The following LRR1 variants were observed in gnomAD, a reference collection of about 807,000 sequenced individuals.
LRR1 encodes the protein leucine rich repeat protein 1.
Under a neutral mutation model 31.6 loss-of-function variants are expected in LRR1, and 29 were observed. The observed-to-expected ratio is 0.92, with a 90% confidence interval of 0.68 to 1.25. The LOEUF is 1.25. Among genes scored for constraint, LRR1 ranks in the 50% most tolerant of loss-of-function variants. The pLI is 0.00. For missense variants in LRR1, 485 were observed against 487.2 expected, an observed-to-expected ratio of 1.00 and a Z score of 0.04; for synonymous variants, 179 against 181.4, an observed-to-expected ratio of 0.99 and a Z score of 0.10.
chr14:49,613,381 T>A (rs1224644619), intron 3 of LRR1, among the ~76,000 whole-genome samples: 2 of 151,080 alleles, frequency 1.3e-5, no homozygotes, highest in Non-Finnish European at 2.9e-5. Context: ...GGCGTGTGCC[T>A]GTAATCCCAG....
At position 49,607,404 on chromosome 14, in the gene LRR1, T is replaced by A. The variant is rs17121605; in HGVS notation, c.287T>A (p.Ile96Asn). The A allele has an allele frequency of 0.22, 336,502 of 1,555,674 alleles. 39,283 individuals are homozygous for A. The highest frequency in any genetic ancestry group is 0.32 in the Admixed American group (15,491 of 47,706). The change falls in exon 3 of 4, where the codon ATT becomes AAT. Residue 96 changes from isoleucine to asparagine, a missense_variant. This residue lies in a region of LRR1 where 260 missense variants were observed against 249.6 expected (regional missense o/e 1.04). Transcript: ENST00000298288. ...CTACAACTTTTATTTATTCAGGCCATTTCCAGCAGTTTAAAAGGTTTCCTT... is the reference window on the plus strand; with the variant it reads ...CTACAACTTTTATTTATTCAGGCCAATTCCAGCAGTTTAAAAGGTTTCCTT... ...PPVDICLSKAISSSLKGFLSA... is the reference protein window; with the variant it reads ...PPVDICLSKANSSSLKGFLSA...
chr14:49,608,975 G>A (rs2883439), intron 3 of LRR1, among the ~76,000 whole-genome samples: 2 of 138,622 alleles, frequency 1.4e-5, no homozygotes, highest in East Asian at 4.5e-4. Context: ...GTGGTGCGAA[G>A]CGATCTCGGC....
At chr14:49,608,168 A>C in intron 3 of LRR1, 47 bp downstream of exon 3, 1 of 1,486,940 alleles carries the variant, frequency 6.7e-7, no homozygotes, top group South Asian at 1.4e-5. Flanking sequence ...ATAGCATTCT[A>C]ATATTCCTAT....
At position 49,614,578 on chromosome 14, in the gene LRR1, G is replaced by C. The variant is rs768594770; in HGVS notation, c.*82G>C. The C allele has an allele frequency of 8.3e-6, 13 of 1,566,210 alleles. No homozygotes were observed. Among genetic ancestry groups the C allele is most frequent in the Admixed American group, 1.7e-5 (1 of 59,892 alleles). On this transcript the variant is annotated 3_prime_UTR_variant, in exon 4 of 4. Coordinates refer to ENST00000298288, the MANE Select transcript of LRR1 (RefSeq NM_152329.4). ...ATTTTGCAGCGTCAAATTGGAGTAA[G>C]GGAAGATTTCTGTATACTTGCTGGA...
chr14:49,602,828 TTTTG>T (rs749038139), intron 2 of LRR1, among the ~76,000 whole-genome samples: 15 of 151,940 alleles, frequency 9.9e-5, no homozygotes, highest in East Asian at 1.9e-4. Context: ...TGCTTGCTTT[TTTTG>T]TTTGTTTGTT....
intron 3 of LRR1, among the ~76,000 whole-genome samples, chr14:49,610,714 G>C (rs1882480180): frequency 6.6e-6 from 1 of 151,546 alleles, no homozygotes; most frequent in African/African-American, 2.4e-5. Context: ...AGGTGCCCAT[G>C]ACCATGGCCG....
chr14:49,614,508 A>G lies in LRR1; in HGVS notation c.*12A>G. 1.2e-6 allele frequency: 2 copies of G among 1,613,016 alleles called. No individual in the cohort carries two copies. Among genetic ancestry groups the G allele is most frequent in the Non-Finnish European group, 1.7e-6 (2 of 1,179,610 alleles). On this transcript the variant is annotated 3_prime_UTR_variant, in exon 4 of 4. Coordinates refer to ENST00000298288, the MANE Select transcript of LRR1 (RefSeq NM_152329.4). ...ATATGTTAAAGTAATGGGTGAGACC[A>G]GAAAAAGAAATTTCAATAACAGATC...
At chr14:49,599,848 A>G in intron 1 of LRR1, 1 of 329,380 alleles carries the variant, frequency 3.0e-6, no homozygotes, top group Non-Finnish European at 4.9e-6. Context: ...CGGCGAGGGG[A>G]GTCGCTGCTT....
In LRR1 at chr14:49,602,372, A is replaced by G. The variant is rs577046402; in HGVS notation, c.186A>G (p.Leu62=). ...LKDKRGTRYE[L]RENIEQFFTK... ...TTTTTTCTATTGGTTTTATGCAGCT[A>G]AGGGAGAACATTGAGCAATTCTTCA... Residue 62 remains leucine, a splice_region_variant and synonymous_variant, in exon 2 of 4, where the codon CTA becomes CTG. Coordinates refer to ENST00000298288, the MANE Select transcript of LRR1 (RefSeq NM_152329.4). 2.5e-6 allele frequency: 4 copies of G among 1,612,412 alleles called. No homozygotes were observed. The South Asian group carries it at 3.3e-5, about 13-fold the overall frequency.
At chr14:49,612,258 T>TG (rs1882540263) in intron 3 of LRR1, among the ~76,000 whole-genome samples, 2 of 152,318 alleles carry the variant, frequency 1.3e-5, no homozygotes, top group African/African-American at 4.8e-5. Context: ...GAACCTTTGT[T>TG]GAAGTATAAT....
intron 3 of LRR1, among the ~76,000 whole-genome samples, chr14:49,613,286 C>T (rs1417503184): frequency 6.6e-6 from 1 of 150,952 alleles, no homozygotes; most frequent in East Asian, 2.0e-4. Context: ...TTGCAGTGAG[C>T]CGAGATTGTG....
In LRR1 at chr14:49,607,632, G is replaced by C. The variant is rs61754304; in HGVS notation, c.515G>C (p.Arg172Pro). Residue 172 changes from arginine to proline, a missense_variant, in exon 3 of 4, where the codon CGT (arginine) becomes CCT (proline). This residue lies in a region of LRR1 where 260 missense variants were observed against 249.6 expected (regional missense o/e 1.04). Transcript: ENST00000298288. The stretch of plus-strand genomic sequence containing the variant: ...TGTGGGCTTGTCCGAGTTGATATGC[G>C]TATGCTTTGCTTAAAAAGCCTTAGG... ...SYCGLVRVDM[R>P]MLCLKSLRKL... 1.2e-6 allele frequency: 2 copies of C among 1,614,004 alleles called. No homozygotes were observed. The highest frequency in any genetic ancestry group is 2.7e-5 in the African/African-American group (2 of 74,908).
At position 49,608,254 on chromosome 14, in the gene LRR1, T is replaced by C. The variant is rs1375455629; in HGVS notation, c.1004+133T>C. On this transcript the variant is annotated intron_variant, in intron 3 of 3. Coordinates refer to ENST00000298288, the MANE Select transcript of LRR1 (RefSeq NM_152329.4). ...TGACCCTTTGCTATAATGGTCTTCT[T>C]GTTCCTTACCTCTGCTTAGAATGAT... The C allele has an allele frequency of 1.7e-5, 16 of 939,020 alleles. No homozygotes were observed. The East Asian group carries it at 3.5e-4, about 21-fold the overall frequency. 58.2% of individuals were successfully genotyped at this position (939,020 alleles called of 1,614,324 possible).
intron 2 of LRR1, chr14:49,603,710 A>ATTTTTTTT (rs1566493069): frequency 0.011 from 1,522 of 132,686 alleles, 441 homozygotes; most frequent in Admixed American, 0.019. Context: ...TTTTTTTTTA[A>ATTTTTTTT]TGAGACAGAG....
At chr14:49,599,835 C>G (rs1200359048) in intron 1 of LRR1, among the ~76,000 whole-genome samples, 4 of 147,382 alleles carry the variant, frequency 2.7e-5, no homozygotes, top group African/African-American at 9.8e-5. Flanking sequence ...GCCCTCTCCC[C>G]TCCGGCGAGG....
chr14:49,602,485 A>G lies in LRR1; in HGVS notation c.282+17A>G, dbSNP rs775120516. ...CTAAGTAAGGTATGGTATTAAAAACATTAATGATTAATATTTGGCTGTATT... is the reference window on the plus strand; with the variant it reads ...CTAAGTAAGGTATGGTATTAAAAACGTTAATGATTAATATTTGGCTGTATT... On this transcript the variant is annotated intron_variant, in intron 2 of 3. Transcript: ENST00000298288. 3 of 1,566,852 alleles carry G rather than the reference A, an allele frequency of 1.9e-6. No individual in the cohort carries two copies.
chr14:49,608,181 A>C, intron 3 of LRR1, 60 bp downstream of exon 3: 5 of 1,454,362 alleles, frequency 3.4e-6, no homozygotes, highest in Non-Finnish European at 4.5e-6. Context: ...ATTCCTATCA[A>C]ACTCAGAGTA....
chr14:49,605,566 T>C (rs1882249480), intron 2 of LRR1, among the ~76,000 whole-genome samples: 1 of 152,348 alleles, frequency 6.6e-6, no homozygotes, highest in East Asian at 1.9e-4. Context: ...AATTTGACAA[T>C]GATAATTACC....
Position 49,608,122 on chromosome 14 carries a change from G to A in LRR1, c.1004+1G>A. 1 of 1,548,742 alleles carries A rather than the reference G, an allele frequency of 6.5e-7. No individual in the cohort carries two copies. The highest frequency in any genetic ancestry group is 8.7e-7 in the Non-Finnish European group (1 of 1,154,416). On this transcript the variant is annotated splice_donor_variant, in intron 3 of 3. Coordinates refer to ENST00000298288, the MANE Select transcript of LRR1 (RefSeq NM_152329.4). LOFTEE classifies it high-confidence loss of function. ...CTGCACGAACCATATTACATAATAG[G>A]TAAGATTTTAATAGTCATGTAATGT...
Sources: allele counts gnomAD v4.1 joint callset (sites outside exome capture counted in the v4.1 genomes callset), GRCh38; gene constraint gnomAD v4.1.1; regional missense constraint gnomAD v4.1.1; transcripts MANE v1.5; gene names NCBI Gene and HGNC (gene_info 2026-07-23, HGNC 2026-07-21).